Variants in TMEM131L observed in about 807,000 individuals in gnomAD.
TMEM131L encodes transmembrane protein 131-like.
TMEM131L carries 54 observed loss-of-function variants against 192.2 expected under a neutral mutation model. The observed-to-expected ratio is 0.28, with a 90% confidence interval of 0.23 to 0.35. The LOEUF is 0.35. Among genes scored for constraint, TMEM131L ranks in the 10% least tolerant of loss-of-function variants. The pLI, the probability that TMEM131L is intolerant of heterozygous loss-of-function variation, is 1.00. For synonymous variants in TMEM131L, 701 were observed against 704.9 expected, an observed-to-expected ratio of 0.99 and a Z score of 0.09; for missense variants, 1,888 against 1,972.9, an observed-to-expected ratio of 0.96 and a Z score of 0.82.
At chr4:153,566,796 G>A (rs2150569427) in intron 7 of TMEM131L, among the ~76,000 whole-genome samples, 1 of 152,270 alleles carries the variant, frequency 6.6e-6, no homozygotes, top group South Asian at 2.1e-4. Flanking sequence ...CCCTGCCATG[G>A]CAACATGTTG....
chr4:153,526,457 G>A (rs867479831), intron 3 of TMEM131L, among the ~76,000 whole-genome samples: 4 of 152,126 alleles, frequency 2.6e-5, no homozygotes, highest in Non-Finnish European at 2.9e-5. Flanking sequence ...TGTCTTGGCC[G>A]GGCACGGTGG....
At chr4:153,610,860 G>A (rs1334312739) in intron 25 of TMEM131L, among the ~76,000 whole-genome samples, 1 of 152,120 alleles carries the variant, frequency 6.6e-6, no homozygotes, top group Non-Finnish European at 1.5e-5. Context: ...CTGCTTTGCT[G>A]GGAAATATTT....
At chr4:153,530,919 CTTGAACTCTTCAGTGATT>C (rs1449666284) in intron 3 of TMEM131L, among the ~76,000 whole-genome samples, 3 of 152,162 alleles carry the variant, frequency 2.0e-5, no homozygotes, top group Non-Finnish European at 4.4e-5. Flanking sequence ...AGCCTGCTCC[CTTGAACTCTTCAGTGATT>C]TTATAAGCAC....
intron 3 of TMEM131L, among the ~76,000 whole-genome samples, chr4:153,520,059 G>A (rs930212925): frequency 6.6e-6 from 1 of 152,126 alleles, no homozygotes; most frequent in African/African-American, 2.4e-5. Flanking sequence ...TATCTGCACT[G>A]ACTTTGGGGG....
intron 3 of TMEM131L, among the ~76,000 whole-genome samples, chr4:153,526,798 T>G (rs1735522766): frequency 6.6e-6 from 1 of 151,852 alleles, no homozygotes; most frequent in Non-Finnish European, 1.5e-5. Flanking sequence ...AAATAGCTCC[T>G]GTCGTGTTGT....
In TMEM131L at chr4:153,626,212, A is replaced by G. The variant is rs1352693882; in HGVS notation, c.4111A>G (p.Ile1371Val). The G allele has an allele frequency of 1.9e-6, 3 of 1,606,032 alleles. No individual in the cohort carries two copies. The highest frequency in any genetic ancestry group is 2.7e-5 in the African/African-American group (2 of 74,758). Residue 1371 changes from isoleucine (I) to valine (V), a missense_variant, in exon 30 of 35, where the codon ATC becomes GTC. Physicochemically the swap from Ile to Val is conservative, Grantham distance 29 (BLOSUM62 3). Transcript: ENST00000409959. ...APISLNLSHNICNPMTVNSLP... is the reference protein window; with the variant it reads ...APISLNLSHNVCNPMTVNSLP... ...CATCTCCTTGAATCTTTCTCATAAC[A>G]TCTGCAATCCCATGTAAGTTTTTTA...
chr4:153,585,030 TC>T, intron 12 of TMEM131L, 99 bp downstream of exon 12: 1 of 955,684 alleles, frequency 1.0e-6, no homozygotes, highest in Non-Finnish European at 1.6e-6. Context: ...TTTGTGTGAT[TC>T]TCTCTCTCAC....
At chr4:153,600,053 G>T (rs1731726365) in intron 21 of TMEM131L, among the ~76,000 whole-genome samples, 2 of 151,998 alleles carry the variant, frequency 1.3e-5, no homozygotes, top group South Asian at 4.1e-4. Context: ...AAAGGAAAAA[G>T]AAAAAAATAA....
At chr4:153,484,895 G>A (rs1233339063) in intron 3 of TMEM131L, among the ~76,000 whole-genome samples, 6 of 146,978 alleles carry the variant, frequency 4.1e-5, no homozygotes, top group South Asian at 2.1e-4. Context: ...CGAGGCGGGC[G>A]GATCACGAGG....
At chr4:153,524,023 G>C (rs1735299270) in intron 3 of TMEM131L, among the ~76,000 whole-genome samples, 1 of 151,670 alleles carries the variant, frequency 6.6e-6, no homozygotes, top group African/African-American at 2.4e-5. Context: ...AAGTAACTCA[G>C]AAAAGAACAA....
At chr4:153,543,962 C>T (rs969080142) in intron 3 of TMEM131L, among the ~76,000 whole-genome samples, 3 of 151,522 alleles carry the variant, frequency 2.0e-5, no homozygotes, top group Non-Finnish European at 2.9e-5. Flanking sequence ...ATTCTGGTTA[C>T]CGTGGTCTAC....
intron 3 of TMEM131L, among the ~76,000 whole-genome samples, chr4:153,493,128 C>CT: frequency 6.6e-6 from 1 of 151,706 alleles, no homozygotes; most frequent in African/African-American, 2.4e-5. Flanking sequence ...AGGTGGGTCA[C>CT]AAGGTCAGGA....
intron 3 of TMEM131L, among the ~76,000 whole-genome samples, chr4:153,480,892 C>G (rs922822729): frequency 7.9e-5 from 12 of 152,308 alleles, no homozygotes; most frequent in Admixed American, 5.2e-4. Context: ...TGCCTGCCGT[C>G]ACGAGGTGTG....
chr4:153,493,084 C>A (rs1580062330), intron 3 of TMEM131L, among the ~76,000 whole-genome samples: 1 of 152,098 alleles, frequency 6.6e-6, no homozygotes, highest in East Asian at 1.9e-4. Flanking sequence ...CGGTGGCTCA[C>A]GCCTGTAATC....
At chr4:153,509,110 T>C (rs1734180077) in intron 3 of TMEM131L, among the ~76,000 whole-genome samples, 1 of 151,062 alleles carries the variant, frequency 6.6e-6, no homozygotes, top group South Asian at 2.1e-4. Flanking sequence ...TTTGGGAGAT[T>C]GAGGCAGGGG....
At chr4:153,556,852 G>C (rs76364053) in intron 5 of TMEM131L, 114 bp from the exon 6 acceptor site, 2 of 577,210 alleles carry the variant, frequency 3.5e-6, no homozygotes, top group Non-Finnish European at 6.2e-6. Flanking sequence ...TACTGATAAG[G>C]GTGCACAATA....
chr4:153,558,126 A>C, intron 6 of TMEM131L, 132 bp from the exon 7 acceptor site: 1 of 487,282 alleles, frequency 2.1e-6, no homozygotes, highest in Non-Finnish European at 3.8e-6. Flanking sequence ...AGATAAATAA[A>C]ATAATTGGAT....
At chr4:153,531,112 G>C (rs1398654347) in intron 3 of TMEM131L, among the ~76,000 whole-genome samples, 1 of 152,184 alleles carries the variant, frequency 6.6e-6, no homozygotes, top group Non-Finnish European at 1.5e-5. Context: ...TGGATAAATG[G>C]ATCAGTGGTT....
intron 3 of TMEM131L, among the ~76,000 whole-genome samples, chr4:153,547,090 A>G (rs1737237606): frequency 2.0e-5 from 3 of 152,254 alleles, no homozygotes; most frequent in Admixed American, 1.3e-4. Context: ...TGTAAAGTCA[A>G]TTAAGCTGAA....
Sources: allele counts gnomAD v4.1 joint callset (sites outside exome capture counted in the v4.1 genomes callset), GRCh38; gene constraint gnomAD v4.1.1; transcripts MANE v1.5; gene names NCBI Gene and HGNC (gene_info 2026-07-23, HGNC 2026-07-21).